Variants in EDARADD observed in about 807,000 individuals in gnomAD.
EDARADD encodes the protein EDAR associated via death domain.
Under a neutral mutation model 25.6 loss-of-function variants are expected in EDARADD, and 20 were observed. The observed-to-expected ratio is 0.78, with a 90% CI of 0.55 to 1.14. EDARADD has a LOEUF of 1.14. EDARADD is among the 50% of genes most tolerant of loss of function. The pLI is 0.00. For synonymous variants in EDARADD, 86 were observed against 94.4 expected (o/e 0.91, Z 0.52); for missense variants, 225 against 270.1 (o/e 0.83, Z 1.17).
chr1:236,443,026 G>T (rs555429674), intron 4 of EDARADD, among the ~76,000 whole-genome samples: 1 of 152,128 alleles, frequency 6.6e-6, no homozygotes, highest in Admixed American at 6.5e-5. Flanking sequence ...ATGAGTTATC[G>T]TGAGAAAGGA....
chr1:236,466,992 A>G (rs767697949), intron 4 of EDARADD, among the ~76,000 whole-genome samples: 18 of 152,146 alleles, frequency 1.2e-4, no homozygotes, highest in Admixed American at 2.0e-4. Flanking sequence ...GCGTGAACCC[A>G]GGAGGCGGAG....
At chr1:236,443,525 T>C (rs904105347) in intron 4 of EDARADD, among the ~76,000 whole-genome samples, 1 of 152,036 alleles carries the variant, frequency 6.6e-6, no homozygotes, top group Non-Finnish European at 1.5e-5. Context: ...AAGATTTCAG[T>C]GGGGGAAGTA....
chr1:236,468,199 G>T, intron 4 of EDARADD, 32 bp from the exon 5 acceptor site: 1 of 1,603,178 alleles, frequency 6.2e-7, no homozygotes, highest in South Asian at 1.1e-5. Context: ...ATTTGGATAT[G>T]ATTTTAATGA....
At chr1:236,473,502 G>A (rs1420685081) in intron 5 of EDARADD, among the ~76,000 whole-genome samples, 1 of 152,170 alleles carries the variant, frequency 6.6e-6, no homozygotes, top group African/African-American at 2.4e-5. Flanking sequence ...AACTAGCCAG[G>A]TGTGGTGGCT....
At chr1:236,476,020 G>A (rs1025922844) in intron 5 of EDARADD, among the ~76,000 whole-genome samples, 2 of 151,914 alleles carry the variant, frequency 1.3e-5, no homozygotes. Flanking sequence ...GTAAAAGCCT[G>A]TCTCTATTAA....
At chr1:236,379,390 ACAAC>A (rs143906085) in intron 3 of EDARADD, among the ~76,000 whole-genome samples, 14,345 of 151,332 alleles carry the variant, frequency 0.095, 1,053 homozygotes, top group East Asian at 0.3. Context: ...AAATAAATAA[ACAAC>A]TAAAGTCACA....
chr1:236,433,223 G>A (rs1054600360), intron 4 of EDARADD, among the ~76,000 whole-genome samples: 2 of 151,666 alleles, frequency 1.3e-5, no homozygotes, highest in Non-Finnish European at 2.9e-5. Context: ...TTGTCACTTC[G>A]TTGTATTCCT....
At chr1:236,453,521 C>T (rs1455402312) in intron 4 of EDARADD, among the ~76,000 whole-genome samples, 3 of 152,130 alleles carry the variant, frequency 2.0e-5, no homozygotes, top group Admixed American at 2.0e-4. Flanking sequence ...TGTGATCCAC[C>T]CGCCTTGGCC....
At chr1:236,470,693 C>T (rs1659336998) in intron 5 of EDARADD, among the ~76,000 whole-genome samples, 1 of 152,086 alleles carries the variant, frequency 6.6e-6, no homozygotes, top group African/African-American at 2.4e-5. Context: ...GCAACCTCTG[C>T]CTCCTGGGTT....
intron 1 of EDARADD, among the ~76,000 whole-genome samples, chr1:236,402,084 C>G (rs1410076698): frequency 6.6e-6 from 1 of 152,148 alleles, no homozygotes; most frequent in Non-Finnish European, 1.5e-5. Context: ...GCTTCAGCTT[C>G]CTGAGTAGCT....
rs1659687480 is a variant in EDARADD, at chr1:236,481,941, G to A, written c.266-326G>A. The stretch of plus-strand genomic sequence containing the variant: ...ATCCTGGCTAACACGGTGAAACCCC[G>A]TCTTTACTAAAAACACAAAAAATTA... On this transcript the variant is annotated intron_variant, in intron 5 of 5. Coordinates refer to ENST00000334232, the MANE Select transcript of EDARADD (RefSeq NM_145861.4). 2.6e-5 allele frequency among the ~76,000 whole-genome samples: 4 copies of A among 151,630 alleles called. 1 individual carries two copies. The highest frequency in any genetic ancestry group is 2.1e-4 in the South Asian group (1 of 4,792).
chr1:236,410,619 CTCTG>C (rs1283219859), intron 2 of EDARADD, among the ~76,000 whole-genome samples: 1 of 152,158 alleles, frequency 6.6e-6, no homozygotes, highest in Non-Finnish European at 1.5e-5. Flanking sequence ...AAGCGGTGCT[CTCTG>C]TCAGGCAGCG....
intron 4 of EDARADD, among the ~76,000 whole-genome samples, chr1:236,433,898 A>AAT (rs1558123363): frequency 2.0e-5 from 3 of 147,136 alleles, no homozygotes; most frequent in Non-Finnish European, 4.5e-5. Flanking sequence ...AACAAAAAAA[A>AAT]CAAAAAAAAA....
chr1:236,399,848 C>T (rs976768591), intron 1 of EDARADD, among the ~76,000 whole-genome samples: 2 of 152,202 alleles, frequency 1.3e-5, no homozygotes, highest in Admixed American at 6.5e-5. Context: ...GACTCCACAC[C>T]GCAGGGCTGT....
intron 3 of EDARADD, among the ~76,000 whole-genome samples, chr1:236,357,958 T>C (rs1355034082): frequency 6.6e-6 from 1 of 152,050 alleles, no homozygotes; most frequent in East Asian, 1.9e-4. Flanking sequence ...CTGCAACCTC[T>C]GCCCCTTAGG....
chr1:236,405,461 TC>T (rs563646731), intron 1 of EDARADD, among the ~76,000 whole-genome samples: 417 of 152,242 alleles, frequency 2.7e-3, no homozygotes, highest in Non-Finnish European at 4.6e-3. Context: ...GAGTGTGGGA[TC>T]CGGAGACCTG....
chr1:236,362,987 G>GAAAAAAAAAAAAAAAAAA (rs577963160), intron 3 of EDARADD, among the ~76,000 whole-genome samples: 2 of 29,566 alleles, frequency 6.8e-5, no homozygotes, highest in Non-Finnish European at 1.0e-4. Context: ...CTTTTTTTAA[G>GAAAAAAAAAAAAAAAAAA]AAAAAAAAAA....
chr1:236,442,464 T>C (rs1326948950), intron 4 of EDARADD, among the ~76,000 whole-genome samples: 1 of 152,216 alleles, frequency 6.6e-6, no homozygotes, highest in African/African-American at 2.4e-5. Context: ...CTTTCCTAGC[T>C]AGAGAGGAGA....
At position 236,363,030 on chromosome 1, in the gene EDARADD, T is replaced by TATATATATATATAA. The variant is rs796610771; in HGVS notation, c.-6+12194_-6+12195insTATATATATAAATA. ...AAATATATATATATATATATATATA[T>TATATATATATATAA]ATAAAATTTGTGTACAGACAGAGTC... On this transcript the variant is annotated intron_variant, in intron 3 of 7. Transcript: ENST00000439430. Among the ~76,000 whole-genome samples, 543 of 101,632 alleles carry TATATATATATATAA rather than the reference T, an allele frequency of 5.3e-3. 12 individuals carry two copies. The highest frequency in any genetic ancestry group is 0.014 in the East Asian group (24 of 1,724). The allele number at this position is 101,632 out of a possible 152,430, so 66.7% of individuals were successfully genotyped here. A position where few individuals can be genotyped will look rare whatever the true frequency, so the allele number is the denominator to read the frequency against.
Sources: allele counts gnomAD v4.1 joint callset (sites outside exome capture counted in the v4.1 genomes callset), GRCh38; gene constraint gnomAD v4.1.1; transcripts MANE v1.5; gene names NCBI Gene and HGNC (gene_info 2026-07-23, HGNC 2026-07-21).